Variants in LSM12 observed in about 807,000 individuals in gnomAD.
LSM12 encodes protein LSM12.
For synonymous variants in LSM12, 74 were observed against 87.3 expected (o/e 0.85, Z 0.85); for missense variants, 108 against 238.9 (o/e 0.45, Z 3.61).
At chr17:44,065,862 G>GC (rs1169279588) in intron 1 of LSM12, among the ~76,000 whole-genome samples, 7 of 151,360 alleles carry the variant, frequency 4.6e-5, no homozygotes, top group African/African-American at 7.3e-5. Flanking sequence ...AATCAGCACA[G>GC]CCCCCCCACC....
At chr17:44,048,374 T>A (rs2049599214) in intron 2 of LSM12, among the ~76,000 whole-genome samples, 1 of 150,694 alleles carries the variant, frequency 6.6e-6, no homozygotes, top group Admixed American at 6.7e-5. Context: ...CCCATCTACT[T>A]GGGAGGCTGA....
chr17:44,066,730 G>A (rs1223893782), upstream of LSM12: 2 of 1,065,058 alleles, frequency 1.9e-6, no homozygotes, highest in Non-Finnish European at 1.2e-6. Flanking sequence ...GTTGGGGCGG[G>A]ATCCTAGGTG....
chr17:44,055,414 C>T (rs1428162392), intron 2 of LSM12, among the ~76,000 whole-genome samples: 3 of 150,406 alleles, frequency 2.0e-5, no homozygotes, highest in Non-Finnish European at 4.4e-5. Flanking sequence ...GTAATACCAG[C>T]ACTTTCGGAG....
intron 3 of LSM12, among the ~76,000 whole-genome samples, chr17:44,039,520 T>C (rs1160471705): frequency 1.3e-5 from 2 of 151,250 alleles, no homozygotes; most frequent in Admixed American, 6.6e-5. Flanking sequence ...TAGCTGGGAC[T>C]ACAGGCGCCC....
intron 2 of LSM12, among the ~76,000 whole-genome samples, chr17:44,046,936 T>C (rs2049577054): frequency 6.6e-6 from 1 of 151,392 alleles, no homozygotes; most frequent in Non-Finnish European, 1.5e-5. Flanking sequence ...TTCACTATGT[T>C]GGCCAGGCTG....
chr17:44,048,368 T>C (rs1033510856), intron 2 of LSM12, among the ~76,000 whole-genome samples: 3 of 151,108 alleles, frequency 2.0e-5, no homozygotes, highest in African/African-American at 7.3e-5. Flanking sequence ...TGTAGTCCCA[T>C]CTACTTGGGA....
At chr17:44,056,444 C>G (rs2049715420) in intron 2 of LSM12, among the ~76,000 whole-genome samples, 1 of 151,862 alleles carries the variant, frequency 6.6e-6, no homozygotes, top group Non-Finnish European at 1.5e-5. Context: ...TCTCTACTCC[C>G]CAACTGACAA....
intron 2 of LSM12, among the ~76,000 whole-genome samples, chr17:44,048,951 A>G (rs1051049813): frequency 4.6e-5 from 7 of 152,224 alleles, no homozygotes; most frequent in African/African-American, 1.4e-4. Flanking sequence ...GCACTTTGGG[A>G]GGCCAAGGCA....
rs564742197 is a variant in LSM12, at chr17:44,042,268, C to A, written c.259-2012G>T. Among the ~76,000 whole-genome samples, 2 of 151,490 alleles carry A rather than the reference C, an allele frequency of 1.3e-5. 1 individual carries two copies. The highest frequency in any genetic ancestry group is 2.9e-5 in the Non-Finnish European group (2 of 67,904). On this transcript the variant is annotated intron_variant, in intron 2 of 4. Transcript: ENST00000293406. ...TACCACTACACTCCAGCCTGGGCGA[C>A]AGAGCAAGACTCCGTCTCAAAAAAA... is the stretch of plus-strand genomic sequence containing the variant.
intron 2 of LSM12, among the ~76,000 whole-genome samples, chr17:44,043,694 C>T (rs1306169609): frequency 1.3e-5 from 2 of 151,610 alleles, no homozygotes; most frequent in African/African-American, 4.9e-5. Flanking sequence ...AGTCGGCCAG[C>T]GCTGTGGCTC....
rs566449342 is a variant in LSM12, at chr17:44,042,060, G to C, written c.259-1804C>G. On this transcript the variant is annotated intron_variant, in intron 2 of 4. Coordinates refer to ENST00000293406, the MANE Select transcript of LSM12 (RefSeq NM_001371445.1). ...CCAGTACTTTGTGAGGCCGAGGCAG[G>C]CGGATCACCTGAGGTCAGGAGTTTG... 3.4e-3 allele frequency among the ~76,000 whole-genome samples: 518 copies of C among 152,288 alleles called. 7 individuals are homozygous for C. The East Asian group carries it at 0.067, about 20-fold the overall frequency.
Position 44,045,428 on chromosome 17 carries a change from C to G in LSM12, c.259-5172G>C, listed in dbSNP as rs541355676. Among the ~76,000 whole-genome samples the G allele has an allele frequency of 2.0e-5, 3 of 152,282 alleles. No individual in the cohort carries two copies. The East Asian group carries it at 5.8e-4, about 29-fold the overall frequency. On this transcript the variant is annotated intron_variant, in intron 2 of 4. Coordinates refer to ENST00000293406, the MANE Select transcript of LSM12 (RefSeq NM_001371445.1). ...CTGGCTTCTTCCACTTAGCACATTT[C>G]TGAGGTTCATCCATTTTGTTTCATG... is the stretch of plus-strand genomic sequence containing the variant.
chr17:44,055,507 C>CAAAAA (rs893366294), intron 2 of LSM12, among the ~76,000 whole-genome samples: 1 of 65,030 alleles, frequency 1.5e-5, no homozygotes, highest in Admixed American at 1.6e-4. Flanking sequence ...ACCAAAAATA[C>CAAAAA]AAAAAAAAAA....
intron 2 of LSM12, among the ~76,000 whole-genome samples, chr17:44,046,285 GTC>G (rs1180542428): frequency 6.6e-6 from 1 of 152,074 alleles, no homozygotes; most frequent in Non-Finnish European, 1.5e-5. Context: ...AAAGTAAAAA[GTC>G]TCTGTGTGTG....
chr17:44,053,515 G>A (rs773853871), intron 2 of LSM12, among the ~76,000 whole-genome samples: 24 of 152,122 alleles, frequency 1.6e-4, no homozygotes, highest in Non-Finnish European at 2.9e-4. Flanking sequence ...TGAGATTCTG[G>A]AGGGCAAGAG....
intron 2 of LSM12, among the ~76,000 whole-genome samples, chr17:44,051,694 C>A (rs1397963336): frequency 6.6e-6 from 1 of 152,044 alleles, no homozygotes; most frequent in Non-Finnish European, 1.5e-5. Flanking sequence ...TTGAATCAGG[C>A]CAGGATTAGT....
chr17:44,058,159 C>T (rs1007521274), intron 2 of LSM12, among the ~76,000 whole-genome samples: 1 of 151,746 alleles, frequency 6.6e-6, no homozygotes, highest in Non-Finnish European at 1.5e-5. Context: ...ATGGCGTGAA[C>T]CCAGGAGGCG....
At chr17:44,062,583 A>T (rs1597898776) in intron 2 of LSM12, among the ~76,000 whole-genome samples, 1 of 152,178 alleles carries the variant, frequency 6.6e-6, no homozygotes, top group East Asian at 1.9e-4. Context: ...AAATAAACGG[A>T]ATTGTCAAAA....
intron 2 of LSM12, among the ~76,000 whole-genome samples, chr17:44,045,891 C>T (rs1035508848): frequency 6.6e-6 from 1 of 150,978 alleles, no homozygotes; most frequent in Non-Finnish European, 1.5e-5. Context: ...TTTTTGGCAG[C>T]AGTCACACAC....
Sources: gnomAD v4.1 joint callset for allele counts (sites outside exome capture counted in the v4.1 genomes callset) on GRCh38, gnomAD v4.1.1 for gene constraint, MANE v1.5 for transcripts, NCBI Gene and HGNC (gene_info 2026-07-23, HGNC 2026-07-21) for gene names.